Variants in NAV2 observed in about 807,000 individuals in gnomAD.
NAV2 encodes helicase, APC down-regulated 1.
A neutral mutation model predicts 223.2 loss-of-function variants in NAV2; 54 were observed. The observed-to-expected ratio is 0.24, with a 90% CI of 0.19 to 0.30. NAV2 has a LOEUF of 0.30. NAV2 is among the 10% of genes least tolerant of loss of function. The pLI, the probability that NAV2 is intolerant of heterozygous loss-of-function variation, is 1.00. For synonymous variants in NAV2, 1,279 were observed against 1,239.3 expected (o/e 1.03, Z -0.67); for missense variants, 2,806 against 3,147.5 (o/e 0.89, Z 2.60).
chr11:19,455,867 A>G, intron 1 of NAV2, among the ~76,000 whole-genome samples: 1 of 152,236 alleles, frequency 6.6e-6, no homozygotes, highest in African/African-American at 2.4e-5. Flanking sequence ...AACCTACTGC[A>G]TCAAAAGGCT....
At chr11:19,528,333 C>T (rs1367180534) in intron 1 of NAV2, among the ~76,000 whole-genome samples, 7 of 152,246 alleles carry the variant, frequency 4.6e-5, no homozygotes, top group Admixed American at 4.6e-4. Flanking sequence ...CTTCCCTCAT[C>T]CCCAGTAATT....
At chr11:19,397,850 C>G (rs1033339780) in intron 1 of NAV2, among the ~76,000 whole-genome samples, 1 of 152,040 alleles carries the variant, frequency 6.6e-6, no homozygotes, top group African/African-American at 2.4e-5. Flanking sequence ...AAGCATAAGC[C>G]CATACAGCTC....
intron 1 of NAV2, among the ~76,000 whole-genome samples, chr11:19,651,047 A>G (rs1022841171): frequency 1.3e-5 from 2 of 152,184 alleles, no homozygotes; most frequent in African/African-American, 4.8e-5. Context: ...TAGCCTAAAC[A>G]TGGAGAGCTA....
At chr11:19,350,467 C>T (rs1031861220), upstream of NAV2, among the ~76,000 whole-genome samples, 3 of 152,192 alleles carry the variant, frequency 2.0e-5, no homozygotes, top group Admixed American at 6.5e-5. Context: ...CGGCTTTCCG[C>T]GCAGTGTTTG....
chr11:19,673,734 C>T (rs563127696), intron 1 of NAV2, among the ~76,000 whole-genome samples: 76 of 152,320 alleles, frequency 5.0e-4, no homozygotes, highest in African/African-American at 1.8e-3. Context: ...CAACTTTCTG[C>T]TCTCGGGGCC....
At chr11:19,822,446 C>T (rs145525994) in intron 1 of NAV2, among the ~76,000 whole-genome samples, 25 of 152,296 alleles carry the variant, frequency 1.6e-4, no homozygotes, top group African/African-American at 5.5e-4. Flanking sequence ...CACCAAGGCA[C>T]GCATGCAGCT....
intron 10 of NAV2, among the ~76,000 whole-genome samples, chr11:19,970,996 G>A (rs2049190004): frequency 6.6e-6 from 1 of 152,156 alleles, no homozygotes; most frequent in African/African-American, 2.4e-5. Flanking sequence ...GTCCTCAAGT[G>A]GGAGGTGGGG....
At chr11:19,592,500 C>T (rs1459592164) in intron 1 of NAV2, among the ~76,000 whole-genome samples, 2 of 152,042 alleles carry the variant, frequency 1.3e-5, no homozygotes, top group East Asian at 3.9e-4. Flanking sequence ...GTCATTGCCC[C>T]CACTATGTTA....
chr11:19,804,438 T>C (rs1189352580), intron 1 of NAV2, among the ~76,000 whole-genome samples: 4 of 152,152 alleles, frequency 2.6e-5, no homozygotes, highest in Non-Finnish European at 5.9e-5. Context: ...AAATGCAGGG[T>C]GGATCTTATT....
intron 1 of NAV2, among the ~76,000 whole-genome samples, chr11:19,547,584 ATCTTC>A (rs2044544572): frequency 6.6e-6 from 1 of 152,000 alleles, no homozygotes; most frequent in African/African-American, 2.4e-5. Flanking sequence ...TGCAGGTTTG[ATCTTC>A]TCTACCTCTT....
chr11:19,426,178 TG>T (rs1850817838), intron 1 of NAV2, among the ~76,000 whole-genome samples: 1 of 152,174 alleles, frequency 6.6e-6, no homozygotes, highest in South Asian at 2.1e-4. Context: ...GCTTCCTGCC[TG>T]GCCTCTCCAG....
chr11:19,773,384 C>G (rs1191401936), intron 1 of NAV2, among the ~76,000 whole-genome samples: 1 of 152,134 alleles, frequency 6.6e-6, no homozygotes, highest in African/African-American at 2.4e-5. Flanking sequence ...TGGGACCCTA[C>G]CTCGTGGCTA....
chr11:19,660,146 G>A (rs1326082830), intron 1 of NAV2, among the ~76,000 whole-genome samples: 1 of 152,148 alleles, frequency 6.6e-6, no homozygotes, highest in African/African-American at 2.4e-5. Flanking sequence ...GGCAGGCAAA[G>A]CTGTTCAAAG....
chr11:19,633,827 T>C (rs963969370), intron 1 of NAV2, among the ~76,000 whole-genome samples: 3 of 152,206 alleles, frequency 2.0e-5, no homozygotes, highest in Non-Finnish European at 4.4e-5. Context: ...GTAGGCCTAG[T>C]TTGGATTCCA....
intron 11 of NAV2, among the ~76,000 whole-genome samples, chr11:20,001,854 T>C (rs2052584722): frequency 6.8e-6 from 1 of 146,200 alleles, no homozygotes; most frequent in African/African-American, 2.5e-5. Context: ...TAAAGTGTAA[T>C]AAAAAAAAAA....
At chr11:19,392,984 G>C (rs916645643) in intron 1 of NAV2, among the ~76,000 whole-genome samples, 12 of 152,150 alleles carry the variant, frequency 7.9e-5, no homozygotes, top group Non-Finnish European at 2.9e-5. Flanking sequence ...CCTCCCTATG[G>C]GTCTTCCAGA....
At chr11:19,448,721 G>A (rs1433775613) in intron 1 of NAV2, among the ~76,000 whole-genome samples, 2 of 152,182 alleles carry the variant, frequency 1.3e-5, no homozygotes, top group Non-Finnish European at 2.9e-5. Flanking sequence ...TATGAGCATT[G>A]AATGCAATGA....
At chr11:19,709,987 T>A (rs1447280869), upstream of NAV2, among the ~76,000 whole-genome samples, 1 of 152,188 alleles carries the variant, frequency 6.6e-6, no homozygotes, top group Non-Finnish European at 1.5e-5. Context: ...AGGGAAATGC[T>A]CATGTTTACC....
At position 20,117,551 on chromosome 11, in the gene NAV2, C is replaced by T. The variant is rs11025394; in HGVS notation, c.7165-582C>T. Among the ~76,000 whole-genome samples, 859 of 152,232 alleles carry T rather than the reference C, an allele frequency of 5.6e-3. 19 individuals carry two copies. Among genetic ancestry groups the T allele is most frequent in the East Asian group, 0.048 (248 of 5,156 alleles). On this transcript the variant is annotated intron_variant, in intron 37 of 37. Coordinates refer to ENST00000349880, the MANE Select transcript of NAV2 (RefSeq NM_145117.5). ...GGAGCCTTTGCTTGTAACTGGTGCTCCCCCTCACCTCCCTGCCAAGGCTTC... is the reference window on the plus strand; with the variant it reads ...GGAGCCTTTGCTTGTAACTGGTGCTTCCCCTCACCTCCCTGCCAAGGCTTC...
Sources: allele counts gnomAD v4.1 joint callset (sites outside exome capture counted in the v4.1 genomes callset), GRCh38; gene constraint gnomAD v4.1.1; transcripts MANE v1.5; gene names NCBI Gene and HGNC (gene_info 2026-07-23, HGNC 2026-07-21).